Variants in AATK observed in about 807,000 individuals in gnomAD.
AATK encodes the protein serine/threonine-protein kinase LMTK1.
In AATK, 91 loss-of-function variants were observed where a neutral mutation model predicts 114.3. The ratio of observed to expected loss-of-function variants is 0.80; its 90% CI spans 0.67 to 0.95. The LOEUF (loss-of-function observed/expected upper bound fraction) is 0.95. AATK is among the 40% of genes least tolerant of loss of function. AATK has a pLI of 0.00. For synonymous variants in AATK, 1,075 were observed against 916.5 expected (o/e 1.17, Z -3.12); for missense variants, 2,176 against 1,965.2 (o/e 1.11, Z -2.03).
intron 1 of AATK, among the ~76,000 whole-genome samples, chr17:81,140,017 C>T (rs1662777963): frequency 6.6e-6 from 1 of 152,176 alleles, no homozygotes; most frequent in South Asian, 2.1e-4. Flanking sequence ...AAGGATGACT[C>T]TATTTCTTTT....
intron 10 of AATK, 102 bp from the exon 11 acceptor site, chr17:81,122,925 G>A (rs972429411): frequency 7.1e-6 from 8 of 1,124,092 alleles, no homozygotes; most frequent in African/African-American, 1.6e-5. Flanking sequence ...TGTCTTGGGG[G>A]CATTAAGGGT....
chr17:81,142,478 T>C (rs1051082632), intron 1 of AATK, among the ~76,000 whole-genome samples: 7 of 151,564 alleles, frequency 4.6e-5, no homozygotes, highest in Non-Finnish European at 1.0e-4. Context: ...CACTATGTTG[T>C]CCAGGCTGGT....
chr17:81,138,604 G>A (rs1046532554), intron 1 of AATK, among the ~76,000 whole-genome samples: 21 of 133,660 alleles, frequency 1.6e-4, no homozygotes, highest in Admixed American at 9.1e-4. Context: ...ACACCCACAC[G>A]CACAACACAC....
At chr17:81,118,663 C>T (rs62073017) in intron 13 of AATK, among the ~76,000 whole-genome samples, 52,564 of 152,194 alleles carry the variant, frequency 0.35, 9,763 homozygotes, top group East Asian at 0.51. Flanking sequence ...TCCTGTTTTA[C>T]GCATAAGGAA....
intron 13 of AATK, 34 bp from the exon 14 acceptor site, chr17:81,118,476 T>C (rs370193440): frequency 3.8e-6 from 6 of 1,599,850 alleles, no homozygotes; most frequent in African/African-American, 1.3e-5. Flanking sequence ...AACACAGGGT[T>C]CTGAGACACC....
chr17:81,125,046 G>T, intron 7 of AATK, 32 bp from the exon 8 acceptor site: 1 of 56,860 alleles, frequency 1.8e-5, no homozygotes, highest in Non-Finnish European at 2.3e-5. Flanking sequence ...GGGGCAGGGT[G>T]AGCAGGGTGA....
Position 81,121,292 on chromosome 17 carries a change from T to C in AATK, c.2644A>G (p.Arg882Gly), listed in dbSNP as rs2146286426. Residue 882 changes from arginine (R) to glycine (G), a missense_variant, in exon 11 of 14, where the codon AGG (arginine) becomes GGG (glycine). By Grantham distance (125) the Arg-to-Gly change is moderately radical. Coordinates refer to ENST00000326724, the MANE Select transcript of AATK (RefSeq NM_001080395.3). ...AAGGCTGGCACCACATCCGGCCTCCTGGCCTGCAGGCCGTCGCTGGACGTG... is the reference window on the plus strand; with the variant it reads ...AAGGCTGGCACCACATCCGGCCTCCCGGCCTGCAGGCCGTCGCTGGACGTG... ...TDTSSDGLQARRPDVVPAFRS... is the reference protein window; with the variant it reads ...TDTSSDGLQAGRPDVVPAFRS... The C allele has an allele frequency of 6.2e-7, 1 of 1,611,582 alleles. No individual in the cohort carries two copies. The highest frequency in any genetic ancestry group is 8.5e-7 in the Non-Finnish European group (1 of 1,179,622).
chr17:81,156,042 C>A (rs1293463846), intron 1 of AATK, among the ~76,000 whole-genome samples: 1 of 152,134 alleles, frequency 6.6e-6, no homozygotes, highest in Non-Finnish European at 1.5e-5. Flanking sequence ...GTTTCCGCAA[C>A]AATGTATGTT....
rs981754089 is a variant in AATK at position 81,122,474 on chromosome 17, C to G, written c.1462G>C (p.Glu488Gln). Residue 488 changes from glutamate (E) to glutamine (Q), a missense_variant, in exon 11 of 14, where the codon GAG (glutamate) becomes CAG (glutamine). Physicochemically the swap from Glu to Gln is conservative, Grantham distance 29. This residue lies in a region of AATK where 1,701 missense variants were observed against 1,394.7 expected (regional missense o/e 1.22). Coordinates refer to ENST00000326724, the MANE Select transcript of AATK (RefSeq NM_001080395.3). ...EYKWEAGRGA[E>Q]AFPATLSPGR... is the part of the protein sequence containing the mutation. ...GGGCTCAGCGTGGCCGGGAAGGCCT[C>G]CGCGCCGCGGCCCGCCTCCCACTTG... 7.0e-5 allele frequency: 102 copies of G among 1,453,636 alleles called. No homozygotes were observed. Among genetic ancestry groups the G allele is most frequent in the Non-Finnish European group, 8.8e-5 (97 of 1,099,008 alleles). The allele number at this position is 1,453,636 out of a possible 1,614,324, so 90.0% of individuals were successfully genotyped here.
chr17:81,138,141 ACATACGCGCACGCC>A (rs1430029996), intron 1 of AATK, among the ~76,000 whole-genome samples: 2 of 150,888 alleles, frequency 1.3e-5, no homozygotes, highest in Non-Finnish European at 3.0e-5. Context: ...ACACATGCAC[ACATACGCGCACGCC>A]CACATGCACA....
intron 2 of AATK, 58 bp from the exon 3 acceptor site, chr17:81,131,263 G>A (rs2060926717): frequency 2.0e-6 from 3 of 1,499,874 alleles, no homozygotes; most frequent in Non-Finnish European, 1.8e-6. Flanking sequence ...GGGTGTGGCT[G>A]GGCCTGGAAA....
At chr17:81,138,326 C>A (rs1242862152) in intron 1 of AATK, among the ~76,000 whole-genome samples, 1 of 150,740 alleles carries the variant, frequency 6.6e-6, no homozygotes, top group Admixed American at 6.6e-5. Context: ...TGCACACATA[C>A]CCACACATGC....
In AATK at chr17:81,133,022, C is replaced by T. The variant is rs367748396; in HGVS notation, c.189+1346G>A. ...TCCTGCTCCCGCCAAGACCTTGAGG[C>T]TCTGGCCTCGGGATCCCCAGGAAGG... On this transcript the variant is annotated intron_variant, in intron 2 of 13. Coordinates refer to ENST00000326724, the MANE Select transcript of AATK (RefSeq NM_001080395.3). Among the ~76,000 whole-genome samples, 428 of 152,304 alleles carry T rather than the reference C, an allele frequency of 2.8e-3. 5 individuals are homozygous for T. Among genetic ancestry groups the T allele is most frequent in the South Asian group, 0.021 (103 of 4,830 alleles).
At chr17:81,165,805 G>T (rs1015972352) in intron 1 of AATK, 133 bp downstream of exon 1, 119 of 1,498,282 alleles carry the variant, frequency 7.9e-5, no homozygotes, top group South Asian at 4.8e-4. Flanking sequence ...AGGGGGTCCG[G>T]CTGCTTCTGC....
intron 1 of AATK, among the ~76,000 whole-genome samples, chr17:81,146,371 A>G (rs2061220731): frequency 6.6e-6 from 1 of 151,584 alleles, no homozygotes; most frequent in South Asian, 2.1e-4. Flanking sequence ...AAAAACAAAA[A>G]CCACAAACAA....
In AATK at chr17:81,123,310, C is replaced by A; in HGVS notation, c.996G>T (p.Glu332Asp). ...SLGVTIWELF[E>D]LGTQPYPQHS... ...GCTGGGGATAGGGCTGCGTGCCCAG[C>A]TCAAAGAGCTCCCAGATGGTCACGC... The change falls in exon 10 of 14, where the codon GAG becomes GAT. Residue 332 changes from glutamate to aspartate, a missense_variant. Glu to Asp is a conservative substitution (Grantham distance 45). This residue lies in a region of AATK where 273 missense variants were observed against 344.1 expected (regional missense o/e 0.79). Coordinates refer to ENST00000326724, the MANE Select transcript of AATK (RefSeq NM_001080395.3). 1.4e-6 allele frequency: 2 copies of A among 1,394,010 alleles called. No homozygotes were observed. Among genetic ancestry groups the A allele is most frequent in the South Asian group, 3.2e-5 (2 of 61,860 alleles). The allele number at this position is 1,394,010 out of a possible 1,614,324, so 86.4% of individuals were successfully genotyped here.
chr17:81,124,903 C>T, intron 8 of AATK, 27 bp downstream of exon 8: 3 of 1,538,216 alleles, frequency 2.0e-6, no homozygotes, highest in Non-Finnish European at 1.8e-6. Flanking sequence ...CCCTCATGCC[C>T]AGCCCAGCCC....
intron 1 of AATK, among the ~76,000 whole-genome samples, chr17:81,158,851 G>A (rs2061397816): frequency 6.6e-6 from 1 of 152,106 alleles, no homozygotes; most frequent in Admixed American, 6.6e-5. Flanking sequence ...TTCGTCCATG[G>A]GGATGGGGGC....
chr17:81,119,655 GCCCAGGCCCCGCC>G, intron 12 of AATK, 75 bp from the exon 13 acceptor site: 1 of 543,196 alleles, frequency 1.8e-6, no homozygotes. Context: ...ACAGTCACGG[GCCCAGGCCCCGCC>G]TCCCATCATG....
Sources: allele counts gnomAD v4.1 joint callset (sites outside exome capture counted in the v4.1 genomes callset), GRCh38; gene constraint gnomAD v4.1.1; regional missense constraint gnomAD v4.1.1; transcripts MANE v1.5; gene names NCBI Gene and HGNC (gene_info 2026-07-23, HGNC 2026-07-21).